The following NID1 variants were observed in gnomAD, a reference collection of about 807,000 sequenced individuals.
NID1 encodes the protein nidogen 1.
Under a neutral mutation model 130.6 loss-of-function variants are expected in NID1, and 76 were observed. That is an observed-to-expected ratio of 0.58 (90% CI 0.48 to 0.70). The LOEUF is 0.70. NID1 is among the 30% of genes least tolerant of loss of function. The pLI is 0.00. For synonymous variants in NID1, 665 were observed against 675.1 expected (o/e 0.98, Z 0.23); for missense variants, 1,517 against 1,664.8 (o/e 0.91, Z 1.54).
chr1:236,023,650 T>TAA (rs1205789464), intron 9 of NID1, among the ~76,000 whole-genome samples: 11 of 151,814 alleles, frequency 7.2e-5, no homozygotes, highest in African/African-American at 2.2e-4. Context: ...TTTTTTTTTT[T>TAA]AAAAAGGAAC....
intron 7 of NID1, among the ~76,000 whole-genome samples, chr1:236,028,040 AGTCT>A (rs1658990620): frequency 6.6e-6 from 1 of 152,182 alleles, no homozygotes; most frequent in Non-Finnish European, 1.5e-5. Flanking sequence ...CTAGGAATTG[AGTCT>A]TAGAAAAGAA....
chr1:236,036,926 T>C (rs1298440227), intron 5 of NID1, among the ~76,000 whole-genome samples: 4 of 152,242 alleles, frequency 2.6e-5, no homozygotes, highest in Non-Finnish European at 5.9e-5. Context: ...TTTCAGGTAT[T>C]CTGCTAGAAG....
At chr1:236,040,078 G>T (rs1572613649) in intron 4 of NID1, among the ~76,000 whole-genome samples, 1 of 152,144 alleles carries the variant, frequency 6.6e-6, no homozygotes, top group Non-Finnish European at 1.5e-5. Context: ...TGTTGGGCTG[G>T]ATATGGTCTC....
At chr1:235,998,117 C>A (rs1657979133) in intron 12 of NID1, among the ~76,000 whole-genome samples, 1 of 152,182 alleles carries the variant, frequency 6.6e-6, no homozygotes, top group Non-Finnish European at 1.5e-5. Flanking sequence ...GCAAAGCAGA[C>A]ACAGTGACAT....
chr1:236,046,698 C>A (rs1251850141), intron 2 of NID1, among the ~76,000 whole-genome samples: 1 of 152,018 alleles, frequency 6.6e-6, no homozygotes, highest in African/African-American at 2.4e-5. Context: ...AGATTAGGCC[C>A]AAGAGGCAAG....
intron 12 of NID1, among the ~76,000 whole-genome samples, chr1:236,004,016 G>A (rs546369758): frequency 1.0e-3 from 138 of 132,866 alleles, no homozygotes; most frequent in Middle Eastern, 5.7e-3. Context: ...CTGAATGACA[G>A]AGTGAGACTC....
chr1:235,978,987 A>G lies in NID1; in HGVS notation c.3622+8T>C. ...AGTATGCCAACAGTAACAGCACAGG[A>G]GAGTTACCTTGCGGACACTGAGACA... On this transcript the variant is annotated splice_region_variant and intron_variant, in intron 19 of 19. Coordinates refer to ENST00000264187, the MANE Select transcript of NID1 (RefSeq NM_002508.3). The G allele has an allele frequency of 6.3e-7, 1 of 1,596,676 alleles. No homozygotes were observed. Among genetic ancestry groups the G allele is most frequent in the Non-Finnish European group, 8.6e-7 (1 of 1,164,174 alleles).
chr1:235,979,128 G>A lies in NID1; in HGVS notation c.3510-21C>T, dbSNP rs1368732350. The A allele has an allele frequency of 4.6e-6, 7 of 1,517,714 alleles. 1 individual carries two copies. In the Admixed American group the frequency reaches 1.2e-4, roughly 25 times the overall value. The allele number at this position is 1,517,714 out of a possible 1,614,324, so 94.0% of individuals were successfully genotyped here. On this transcript the variant is annotated intron_variant, in intron 18 of 19. Transcript: ENST00000264187. The surrounding 1 kb of genome is among the most constrained non-coding windows in gnomAD (Gnocchi z 4.6). Reference sequence around the variant, plus strand: ...AATTCCTACAAAGCACCAAAGGGCAGAAGGTGAAAACACATCTGATGGCTT... The same window carrying A: ...AATTCCTACAAAGCACCAAAGGGCAAAAGGTGAAAACACATCTGATGGCTT...
chr1:236,030,108 T>C (rs988755758), intron 6 of NID1, among the ~76,000 whole-genome samples: 5 of 152,088 alleles, frequency 3.3e-5, no homozygotes, highest in Non-Finnish European at 5.9e-5. Flanking sequence ...TCCCTGATGA[T>C]TAAAAAAAGG....
intron 15 of NID1, among the ~76,000 whole-genome samples, chr1:235,983,913 T>G (rs1657504500): frequency 6.6e-6 from 1 of 151,842 alleles, no homozygotes; most frequent in Non-Finnish European, 1.5e-5. Context: ...TACCTAACTG[T>G]CACTCTCACT....
At chr1:236,022,137 C>A (rs1658783694) in intron 9 of NID1, among the ~76,000 whole-genome samples, 1 of 151,998 alleles carries the variant, frequency 6.6e-6, no homozygotes, top group Non-Finnish European at 1.5e-5. Context: ...GGCATGGTGG[C>A]ACACTTGTAG....
chr1:236,029,484 G>A lies in NID1; in HGVS notation c.1738+66C>T, dbSNP rs1450214436. On this transcript the variant is annotated intron_variant, in intron 7 of 19. Coordinates refer to ENST00000264187, the MANE Select transcript of NID1 (RefSeq NM_002508.3). ...GACAGCCCCAGTTCACGGCTGCCGTGGTGGGTCAAGAGCACGAGGCTAGTG... is the reference window on the plus strand; with the variant it reads ...GACAGCCCCAGTTCACGGCTGCCGTAGTGGGTCAAGAGCACGAGGCTAGTG... 2.7e-6 allele frequency: 4 copies of A among 1,472,368 alleles called. No individual in the cohort carries two copies. The African/African-American group carries it at 5.6e-5, about 21-fold the overall frequency. The allele number at this position is 1,472,368 out of a possible 1,614,324, so 91.2% of individuals were successfully genotyped here.
rs1659127691 is a variant in NID1, at chr1:236,032,492, A to G, written c.1446T>C (p.Tyr482=). The change falls in exon 6 of 20, where the codon TAT becomes TAC. Residue 482 remains tyrosine (Y), a synonymous_variant. Transcript: ENST00000264187. ...AISTIPETVG[Y]SLLPLAPVGG... ...CAACTGGGGCCAGTGGAAGCAGAGAATATCCAACGGTCTCGGGAATGGTGC... is the reference window on the plus strand; with the variant it reads ...CAACTGGGGCCAGTGGAAGCAGAGAGTATCCAACGGTCTCGGGAATGGTGC... 6.2e-7 allele frequency: 1 copy of G among 1,614,106 alleles called. No homozygotes were observed. The highest frequency in any genetic ancestry group is 1.3e-5 in the African/African-American group (1 of 74,926).
chr1:236,048,663 T>C, intron 2 of NID1, 27 bp downstream of exon 2: 1 of 1,599,774 alleles, frequency 6.3e-7, no homozygotes, highest in Non-Finnish European at 8.5e-7. Flanking sequence ...TCTGATTACC[T>C]GCACTTGGAC....
In NID1 at chr1:235,976,606, TTGATAAAAAGATA is replaced by T. The variant is rs1657261891; in HGVS notation, c.*1248_*1260del. ...ATTGTTTTAGGACTCTGGGAAGCAG[TTGATAAAAAGATA>T]ACACGAGCTACTGATATGGTCAGGA... On this transcript the variant is annotated 3_prime_UTR_variant, in exon 20 of 20. Transcript: ENST00000264187. The T allele has an allele frequency of 6.6e-6, 1 of 152,162 alleles. No individual in the cohort carries two copies. Among genetic ancestry groups the T allele is most frequent in the African/African-American group, 2.4e-5 (1 of 41,434 alleles). The allele number at this position is 152,162 out of a possible 1,614,324, so 9.4% of individuals were successfully genotyped here.
At position 235,979,036 on chromosome 1, in the gene NID1, C is replaced by T. The variant is rs749423803; in HGVS notation, c.3581G>A (p.Arg1194Gln). ...TDAFQPHKQT[R>Q]LYGITTALSQ... Reference sequence around the variant, plus strand: ...CAGGGCCGTGGTGATGCCATACAGCCGGGTCTGCTTGTGGGGTTGGAAAGC... The same window carrying T: ...CAGGGCCGTGGTGATGCCATACAGCTGGGTCTGCTTGTGGGGTTGGAAAGC... Residue 1194 changes from arginine to glutamine, a missense_variant, in exon 19 of 20, where the codon CGG (arginine) becomes CAG (glutamine). Arg to Gln is a conservative substitution (Grantham distance 43, BLOSUM62 1). Around this residue, in one of 3 missense-constraint regions of NID1, gnomAD observed 181 missense variants for 211.3 expected, o/e 0.86. Coordinates refer to ENST00000264187, the MANE Select transcript of NID1 (RefSeq NM_002508.3). This position sits in a 1 kb window ranked among gnomAD's most constrained non-coding sequence, Gnocchi z 4.6. The T allele has an allele frequency of 2.7e-5, 44 of 1,613,886 alleles. No homozygotes were observed. The highest frequency in any genetic ancestry group is 2.2e-4 in the South Asian group (20 of 91,082).
chr1:235,990,290 C>G (rs2102798455), intron 14 of NID1, among the ~76,000 whole-genome samples: 1 of 152,262 alleles, frequency 6.6e-6, no homozygotes, highest in East Asian at 1.9e-4. Context: ...GCATCTTTAC[C>G]AAGAATCTTC....
rs10803217 is a variant in NID1 at position 236,013,690 on chromosome 1, T to C, written c.2255-130A>G. 344,018 of 985,952 alleles carry C rather than the reference T, an allele frequency of 0.35. 64,499 individuals are homozygous for C. Among genetic ancestry groups the C allele is most frequent in the African/African-American group, 0.42 (26,094 of 61,870 alleles). 61.1% of individuals were successfully genotyped at this position (985,952 alleles called of 1,614,324 possible). A position where few individuals can be genotyped will look rare whatever the true frequency, so the allele number is the denominator to read the frequency against. On this transcript the variant is annotated intron_variant, in intron 10 of 19. Coordinates refer to ENST00000264187, the MANE Select transcript of NID1 (RefSeq NM_002508.3). ...CTCTAGGCATGTCCACAGCTTCACC[T>C]GCACCCCACTCCTCACTGGGCTGGT... is the stretch of plus-strand genomic sequence containing the variant.
In NID1 at chr1:236,032,576, C is replaced by A. The variant is rs746574929; in HGVS notation, c.1362G>T (p.Glu454Asp). Residue 454 changes from glutamate (E) to aspartate (D), a missense_variant, in exon 6 of 20, where the codon GAG becomes GAT. Around this residue, in one of 3 missense-constraint regions of NID1, gnomAD observed 1,329 missense variants for 1,429.2 expected, o/e 0.93. Transcript: ENST00000264187. ...CTACGTAAGAGTGGAGGTCAGTGTTCTCAAAGACAATGGGGACCTGGCTGC... is the reference window on the plus strand; with the variant it reads ...CTACGTAAGAGTGGAGGTCAGTGTTATCAAAGACAATGGGGACCTGGCTGC... ...VGSSQVPIVF[E>D]NTDLHSYVVM... is the part of the protein sequence containing the mutation. 1 of 1,614,086 alleles carries A rather than the reference C, an allele frequency of 6.2e-7. No homozygotes were observed. Among genetic ancestry groups the A allele is most frequent in the Admixed American group, 1.7e-5 (1 of 59,996 alleles).
Sources: allele counts gnomAD v4.1 joint callset (sites outside exome capture counted in the v4.1 genomes callset), GRCh38; gene constraint gnomAD v4.1.1; regional missense constraint gnomAD v4.1.1; non-coding constraint Gnocchi (gnomAD v3.1); transcripts MANE v1.5; gene names NCBI Gene and HGNC (gene_info 2026-07-23, HGNC 2026-07-21).